Variants in NTRK3 observed in about 807,000 individuals in gnomAD.
The protein encoded by NTRK3 is neurotrophic receptor tyrosine kinase 3, also known as NT-3 growth factor receptor.
A neutral mutation model predicts 91.7 loss-of-function variants in NTRK3; 24 were observed. The ratio of observed to expected loss-of-function variants is 0.26; its 90% CI spans 0.19 to 0.37. NTRK3 has a LOEUF of 0.37. NTRK3 is among the 10% of genes least tolerant of loss of function. The probability of loss-of-function intolerance (pLI) is 1.00; values close to 1 mark genes in which losing one functional copy is unlikely to be tolerated. For missense variants in NTRK3, 880 were observed against 1,068.9 expected (o/e 0.82, Z 2.46); for synonymous variants, 483 against 404.0 (o/e 1.20, Z -2.34).
At chr15:88,112,947 A>G (rs965535729) in intron 13 of NTRK3, among the ~76,000 whole-genome samples, 31 of 152,184 alleles carry the variant, frequency 2.0e-4, no homozygotes, top group African/African-American at 7.5e-4. Context: ...GGCTGTGGCT[A>G]TTCCTCCTTA....
chr15:87,959,981 G>A (rs1284185198), intron 14 of NTRK3, among the ~76,000 whole-genome samples: 1 of 152,242 alleles, frequency 6.6e-6, no homozygotes, highest in Non-Finnish European at 1.5e-5. Flanking sequence ...TTCCCCAGCT[G>A]CATCCTACTA....
intron 14 of NTRK3, among the ~76,000 whole-genome samples, chr15:87,964,451 T>C (rs562017752): frequency 1.5e-4 from 23 of 151,528 alleles, no homozygotes; most frequent in South Asian, 4.2e-4. Flanking sequence ...ATTTTACATA[T>C]TTATTATATA....
intron 17 of NTRK3, among the ~76,000 whole-genome samples, chr15:87,918,856 T>C (rs759179190): frequency 1.3e-5 from 2 of 152,170 alleles, no homozygotes; most frequent in African/African-American, 2.4e-5. Context: ...AAGCATCTAA[T>C]TTAACCTCAT....
In NTRK3 at chr15:87,938,009, T is replaced by A. The variant is rs185270914; in HGVS notation, c.1716+2614A>T. Among the ~76,000 whole-genome samples, 212 of 152,082 alleles carry A rather than the reference T, an allele frequency of 1.4e-3. 1 individual carries two copies. Among genetic ancestry groups the A allele is most frequent in the Non-Finnish European group, 2.1e-3 (143 of 67,966 alleles). On this transcript the variant is annotated intron_variant, in intron 15 of 18. Coordinates refer to ENST00000394480, the Ensembl canonical transcript of NTRK3. ...AAATGGGGAGAAGGATCTCATTCCCTCCTCTGCAAAGGAAGGGGGTTGACT... is the reference window on the plus strand; with the variant it reads ...AAATGGGGAGAAGGATCTCATTCCCACCTCTGCAAAGGAAGGGGGTTGACT...
chr15:87,886,504 T>C lies in NTRK3; in HGVS notation c.2134-6076A>G, dbSNP rs186209329. Among the ~76,000 whole-genome samples, 471 of 150,546 alleles carry C rather than the reference T, an allele frequency of 3.1e-3. 4 individuals carry two copies. Among genetic ancestry groups the C allele is most frequent in the African/African-American group, 0.011 (456 of 40,414 alleles). On this transcript the variant is annotated intron_variant, in intron 17 of 18. Coordinates refer to ENST00000394480, the Ensembl canonical transcript of NTRK3. Reference sequence around the variant, plus strand: ...AGTGACAACACAAGGCATTGAAAAATATATTGTAGTATTCTTATTCATGTA... The same window carrying C: ...AGTGACAACACAAGGCATTGAAAAACATATTGTAGTATTCTTATTCATGTA...
intron 13 of NTRK3, among the ~76,000 whole-genome samples, chr15:88,094,973 T>C (rs2049433297): frequency 6.6e-6 from 1 of 152,230 alleles, no homozygotes; most frequent in African/African-American, 2.4e-5. Flanking sequence ...GATGGAAGTC[T>C]CACAGATCTT....
At chr15:88,091,027 T>C (rs960872924) in intron 13 of NTRK3, among the ~76,000 whole-genome samples, 5 of 152,170 alleles carry the variant, frequency 3.3e-5, no homozygotes, top group African/African-American at 1.2e-4. Context: ...ATCTAATCCC[T>C]GTAACTCCTG....
At chr15:88,142,545 C>T (rs1041279435) in intron 6 of NTRK3, among the ~76,000 whole-genome samples, 3 of 152,236 alleles carry the variant, frequency 2.0e-5, no homozygotes, top group South Asian at 4.1e-4. Context: ...AGCATCAACA[C>T]TTCCAGTGAC....
intron 17 of NTRK3, among the ~76,000 whole-genome samples, chr15:87,908,211 C>T (rs2066885108): frequency 6.6e-6 from 1 of 152,196 alleles, no homozygotes; most frequent in East Asian, 1.9e-4. Context: ...GCCATGTGAA[C>T]TCCAGCGGCT....
At chr15:88,130,821 G>A (rs1597480584) in intron 10 of NTRK3, among the ~76,000 whole-genome samples, 1 of 152,150 alleles carries the variant, frequency 6.6e-6, no homozygotes, top group South Asian at 2.1e-4. Context: ...TTGGATCCTA[G>A]ACAAGGAAAA....
At chr15:87,902,683 T>C (rs1199686923) in intron 17 of NTRK3, among the ~76,000 whole-genome samples, 1 of 152,186 alleles carries the variant, frequency 6.6e-6, no homozygotes, top group Non-Finnish European at 1.5e-5. Context: ...GACAGTACAT[T>C]GCCTTTTTGC....
At position 88,136,048 on chromosome 15, in the gene NTRK3, C is replaced by T. The variant is rs752939376; in HGVS notation, c.766-8G>A. 1 of 1,614,148 alleles carries T rather than the reference C, an allele frequency of 6.2e-7. No individual in the cohort carries two copies. The highest frequency in any genetic ancestry group is 1.7e-5 in the Admixed American group (1 of 60,020). On this transcript the variant is annotated splice_polypyrimidine_tract_variant and splice_region_variant and intron_variant, in intron 8 of 18. Coordinates refer to ENST00000394480, the Ensembl canonical transcript of NTRK3. ...GGTCCAGTTCAGATTGGTCTGAAAA[C>T]CCCAATAAAAAGATAACAATCAGAT... is the stretch of plus-strand genomic sequence containing the variant.
intron 17 of NTRK3, among the ~76,000 whole-genome samples, chr15:87,913,108 G>A (rs1186374134): frequency 6.6e-6 from 1 of 151,168 alleles, no homozygotes; most frequent in African/African-American, 2.4e-5. Context: ...CCAGAAACAA[G>A]GCACTTTTGC....
chr15:88,051,035 C>T (rs566728465), intron 13 of NTRK3, among the ~76,000 whole-genome samples: 1 of 152,316 alleles, frequency 6.6e-6, no homozygotes, highest in South Asian at 2.1e-4. Flanking sequence ...CATTCATAAA[C>T]ATGTACAAAT....
At chr15:88,155,246 G>C (rs574915908) in intron 5 of NTRK3, among the ~76,000 whole-genome samples, 3 of 152,232 alleles carry the variant, frequency 2.0e-5, no homozygotes, top group Non-Finnish European at 4.4e-5. Context: ...CAGAGAGAAA[G>C]TAGGGACCCA....
exon 15 of NTRK3, chr15:87,940,706 C>G (rs2142019060): frequency 6.2e-7 from 1 of 1,614,150 alleles, no homozygotes. Flanking sequence ...GCTCCCTCAC[C>G]CAGTTCTCGC....
At chr15:88,217,199 G>C (rs970997938) in intron 3 of NTRK3, among the ~76,000 whole-genome samples, 1 of 152,204 alleles carries the variant, frequency 6.6e-6, no homozygotes, top group East Asian at 1.9e-4. Flanking sequence ...CAGTGTGGTA[G>C]TTCCCCAGTT....
chr15:87,876,973 C>T (rs2141435249), exon 19 of NTRK3: 1 of 1,613,846 alleles, frequency 6.2e-7, no homozygotes, highest in Non-Finnish European at 8.5e-7. Context: ...GTGGCCTTCC[C>T]CAAAGCATGG....
intron 12 of NTRK3, 94 bp downstream of exon 12, chr15:88,127,068 A>C (rs2053367200): frequency 9.0e-7 from 1 of 1,114,684 alleles, no homozygotes; most frequent in African/African-American, 1.5e-5. Flanking sequence ...CAAAGTTTCA[A>C]GTAAGATAAT....
Sources: gnomAD v4.1 joint callset for allele counts (sites outside exome capture counted in the v4.1 genomes callset) on GRCh38, gnomAD v4.1.1 for gene constraint, MANE v1.5 for transcripts, NCBI Gene and HGNC (gene_info 2026-07-23, HGNC 2026-07-21) for gene names.